The following KCNT2 variants were observed in gnomAD, a reference collection of about 807,000 sequenced individuals.
The protein encoded by KCNT2 is potassium channel subfamily T member 2.
Under a neutral mutation model 153.8 loss-of-function variants are expected in KCNT2, and 67 were observed. The observed-to-expected ratio is 0.44, with a 90% CI of 0.36 to 0.53. The LOEUF is 0.53. KCNT2 is among the 20% of genes least tolerant of loss of function. The pLI, the probability that KCNT2 is intolerant of heterozygous loss-of-function variation, is 0.00. For synonymous variants in KCNT2, 500 were observed against 458.8 expected (o/e 1.09, Z -1.15); for missense variants, 975 against 1,354.8 (o/e 0.72, Z 4.40).
intron 13 of KCNT2, among the ~76,000 whole-genome samples, chr1:196,397,458 T>C (rs1238377054): frequency 6.6e-6 from 1 of 151,512 alleles, no homozygotes; most frequent in Non-Finnish European, 1.5e-5. Flanking sequence ...ATTTTTAAAT[T>C]TCAGTTAAGA....
intron 26 of KCNT2, among the ~76,000 whole-genome samples, chr1:196,250,553 G>A (rs1271168292): frequency 1.3e-5 from 2 of 152,048 alleles, no homozygotes; most frequent in African/African-American, 2.4e-5. Context: ...AACTCTTCAG[G>A]ACATTGGACT....
chr1:196,596,056 GTA>G (rs1174131733), intron 1 of KCNT2, among the ~76,000 whole-genome samples: 103 of 4,292 alleles, frequency 0.024, no homozygotes, highest in African/African-American at 0.026. Flanking sequence ...TCCATGATGT[GTA>G]TATATATATA....
chr1:196,258,049 T>A, intron 26 of KCNT2, 145 bp downstream of exon 26: 1 of 1,431,882 alleles, frequency 7.0e-7, no homozygotes, highest in Non-Finnish European at 9.1e-7. Flanking sequence ...TTAAATTTTC[T>A]GTAGGAGATC....
chr1:196,558,833 AT>A (rs1175400730), intron 1 of KCNT2, among the ~76,000 whole-genome samples: 1 of 151,548 alleles, frequency 6.6e-6, no homozygotes, highest in African/African-American at 2.4e-5. Context: ...GAGCTTTTGA[AT>A]TTTTATTATG....
At chr1:196,467,069 C>G (rs372373283) in intron 7 of KCNT2, among the ~76,000 whole-genome samples, 1 of 151,964 alleles carries the variant, frequency 6.6e-6, no homozygotes. Flanking sequence ...TTAGGAAACC[C>G]CACAGATGTT....
chr1:196,487,068 GACA>G (rs2075080957), intron 3 of KCNT2, among the ~76,000 whole-genome samples: 1 of 151,944 alleles, frequency 6.6e-6, no homozygotes, highest in Non-Finnish European at 1.5e-5. Context: ...CCTTCCACCA[GACA>G]ACGTTAGCTG....
chr1:196,471,163 TCCC>T (rs1678076592), intron 5 of KCNT2, among the ~76,000 whole-genome samples: 1 of 152,048 alleles, frequency 6.6e-6, no homozygotes, highest in Non-Finnish European at 1.5e-5. Context: ...CGCCTCGGCC[TCCC>T]AAAGTGCTGG....
intron 26 of KCNT2, among the ~76,000 whole-genome samples, chr1:196,239,545 T>C (rs111983548): frequency 0.05 from 7,529 of 152,072 alleles, 281 homozygotes; most frequent in Non-Finnish European, 0.071. Flanking sequence ...CATATTCCTA[T>C]GGTTCTTACA....
In KCNT2 at chr1:196,334,003, A is replaced by G; in HGVS notation, c.1841T>C (p.Leu614Pro). 6.2e-7 allele frequency: 1 copy of G among 1,613,484 alleles called. No individual in the cohort carries two copies. Residue 614 changes from leucine (L) to proline (P), a missense_variant, in exon 17 of 28, where the codon CTG becomes CCG. Transcript: ENST00000294725. The stretch of plus-strand genomic sequence containing the variant: ...TTTGCTTCCCTCTGTAGGAAGAGAC[A>G]GGGTAGGGCCACTTGCTGATCTACA... ...TSCRSASGPT[L>P]SLPTEGSKEI...
At chr1:196,585,868 CCATCAGTTA>C (rs1433772976) in intron 1 of KCNT2, among the ~76,000 whole-genome samples, 2 of 151,918 alleles carry the variant, frequency 1.3e-5, no homozygotes, top group Non-Finnish European at 1.5e-5. Flanking sequence ...TTTTTATAGC[CCATCAGTTA>C]CATTTTATAG....
At chr1:196,422,224 T>C (rs1673271924) in intron 12 of KCNT2, among the ~76,000 whole-genome samples, 1 of 152,022 alleles carries the variant, frequency 6.6e-6, no homozygotes, top group Non-Finnish European at 1.5e-5. Context: ...AGTCCTAGAT[T>C]AATGTAAAAG....
intron 25 of KCNT2, among the ~76,000 whole-genome samples, chr1:196,265,240 T>C (rs746129055): frequency 6.6e-6 from 1 of 152,154 alleles, no homozygotes; most frequent in Admixed American, 6.5e-5. Flanking sequence ...TTTTGCCTTG[T>C]TAATTTGTTG....
intron 25 of KCNT2, among the ~76,000 whole-genome samples, chr1:196,278,338 C>T (rs752452495): frequency 8.5e-5 from 13 of 152,222 alleles, no homozygotes; most frequent in Non-Finnish European, 1.5e-4. Context: ...TGCCTCAATT[C>T]TTTCTACAAT....
intron 23 of KCNT2, among the ~76,000 whole-genome samples, chr1:196,283,614 G>C (rs933585900): frequency 3.3e-5 from 5 of 152,042 alleles, no homozygotes; most frequent in Non-Finnish European, 7.4e-5. Context: ...AAATGTGACT[G>C]AAAATAATTC....
intron 1 of KCNT2, among the ~76,000 whole-genome samples, chr1:196,542,612 C>G (rs1263817817): frequency 6.6e-6 from 1 of 152,072 alleles, no homozygotes; most frequent in East Asian, 1.9e-4. Context: ...ACATAACTCA[C>G]TGGAGAAATA....
At chr1:196,429,306 A>T (rs1673929645) in intron 9 of KCNT2, among the ~76,000 whole-genome samples, 1 of 152,040 alleles carries the variant, frequency 6.6e-6, no homozygotes, top group African/African-American at 2.4e-5. Context: ...TAATATAATT[A>T]AGTACCCTAT....
intron 25 of KCNT2, chr1:196,258,782 T>C: frequency 2.9e-6 from 1 of 346,900 alleles, no homozygotes; most frequent in Non-Finnish European, 5.4e-6. Context: ...GCATACATAG[T>C]TATTTATGAT....
At chr1:196,434,545 C>A (rs892245935) in intron 8 of KCNT2, among the ~76,000 whole-genome samples, 1 of 151,890 alleles carries the variant, frequency 6.6e-6, no homozygotes. Flanking sequence ...CGAAAAGCTG[C>A]GGGATTCTCA....
At chr1:196,339,200 T>C (rs1317633717) in intron 16 of KCNT2, among the ~76,000 whole-genome samples, 5 of 151,902 alleles carry the variant, frequency 3.3e-5, no homozygotes, top group African/African-American at 9.7e-5. Context: ...TGAAAATGAA[T>C]GTGCACAAAG....
Sources: gnomAD v4.1 joint callset for allele counts (sites outside exome capture counted in the v4.1 genomes callset) on GRCh38, gnomAD v4.1.1 for gene constraint, MANE v1.5 for transcripts, NCBI Gene and HGNC (gene_info 2026-07-23, HGNC 2026-07-21) for gene names.